The following TBC1D1 variants were observed in gnomAD, a reference collection of about 807,000 sequenced individuals.
TBC1D1 encodes TBC1 (tre-2/USP6, BUB2, cdc16) domain family, member 1.
A neutral mutation model predicts 125.6 loss-of-function variants in TBC1D1; 89 were observed. The ratio of observed to expected loss-of-function variants is 0.71; its 90% confidence interval spans 0.60 to 0.85. TBC1D1 has a LOEUF of 0.85. Among genes scored for constraint, TBC1D1 ranks in the 40% least tolerant of loss-of-function variants. The pLI, the probability that TBC1D1 is intolerant of heterozygous loss-of-function variation, is 0.00. For missense variants in TBC1D1, 1,377 were observed against 1,469.2 expected (o/e 0.94, Z 1.03); for synonymous variants, 565 against 564.1 (o/e 1.00, Z -0.02).
intron 12 of TBC1D1, among the ~76,000 whole-genome samples, chr4:38,081,960 C>T (rs80213849): frequency 0.035 from 5,264 of 152,194 alleles, 237 homozygotes; most frequent in African/African-American, 0.1. Context: ...CCATGTCTTG[C>T]CGTGGAGGGA....
chr4:38,046,005 C>A, intron 10 of TBC1D1, 102 bp downstream of exon 10: 2 of 1,062,870 alleles, frequency 1.9e-6, no homozygotes, highest in Non-Finnish European at 2.9e-6. Flanking sequence ...TTGCTGCTTG[C>A]AAATTTCTTG....
chr4:38,044,568 C>A, intron 9 of TBC1D1, 78 bp downstream of exon 9: 1 of 1,403,206 alleles, frequency 7.1e-7, no homozygotes, highest in Non-Finnish European at 9.6e-7. Context: ...TGCTTTTATT[C>A]CATCAATGTT....
At chr4:38,049,398 G>T (rs1750062570) in intron 10 of TBC1D1, among the ~76,000 whole-genome samples, 1 of 152,140 alleles carries the variant, frequency 6.6e-6, no homozygotes, top group South Asian at 2.1e-4. Flanking sequence ...CACTTGGCCA[G>T]TCTCCCCATT....
rs781075510 is a variant in TBC1D1 at position 37,902,474 on chromosome 4, A to G, written c.379A>G (p.Ser127Gly). 1 of 1,613,086 alleles carries G rather than the reference A, an allele frequency of 6.2e-7. No individual in the cohort carries two copies. The highest frequency in any genetic ancestry group is 8.5e-7 in the Non-Finnish European group (1 of 1,179,394). ...TAAGGAAGACGCTGTCCACCGGCAG[A>G]GTATCTGCTATGTGTTCAAAGCCGA... Residue 127 changes from serine to glycine, a missense_variant, in exon 2 of 20, where the codon AGT becomes GGT. Ser to Gly is a moderately conservative substitution (Grantham distance 56). Coordinates refer to ENST00000261439, the MANE Select transcript of TBC1D1 (RefSeq NM_015173.4).
chr4:38,021,716 A>G lies in TBC1D1; in HGVS notation c.1208A>G (p.Glu403Gly), dbSNP rs769095438. Residue 403 changes from glutamate (E) to glycine (G), a missense_variant and splice_region_variant, in exon 6 of 20, where the codon GAG becomes GGG. Glu to Gly is a moderately conservative substitution (Grantham distance 98, BLOSUM62 -2). Transcript: ENST00000261439. Reference sequence around the variant, plus strand: ...CTGCACAAGCTCTGTGAGAGGATAGAGGGTGAGTAGGGGACCCTTTCCAGC... The same window carrying G: ...CTGCACAAGCTCTGTGAGAGGATAGGGGGTGAGTAGGGGACCCTTTCCAGC... 6.4e-7 allele frequency: 1 copy of G among 1,563,526 alleles called. No homozygotes were observed. The highest frequency in any genetic ancestry group is 1.2e-5 in the South Asian group (1 of 84,160).
chr4:37,995,700 G>A lies in TBC1D1; in HGVS notation c.418-18809G>A, dbSNP rs1031319721. 3.8e-5 allele frequency: 20 copies of A among 523,690 alleles called. No individual in the cohort carries two copies. The highest frequency in any genetic ancestry group is 5.8e-5 in the Admixed American group (3 of 51,472). The allele number at this position is 523,690 out of a possible 1,614,324, so 32.4% of individuals were successfully genotyped here. On this transcript the variant is annotated intron_variant, in intron 2 of 19. Coordinates refer to ENST00000261439, the MANE Select transcript of TBC1D1 (RefSeq NM_015173.4). This position sits in a 1 kb window ranked among gnomAD's most constrained non-coding sequence, Gnocchi z 4.3. ...TGGAGGCCTTGGCCACAGCATCCCC[G>A]TGTTCTGAGAAGTATTTGGAAATGG...
intron 2 of TBC1D1, chr4:37,952,127 G>A (rs955784001): frequency 1.4e-5 from 10 of 715,500 alleles, no homozygotes; most frequent in Non-Finnish European, 2.3e-5. Flanking sequence ...TGCAAGGCCT[G>A]CAGTCATGAT....
rs766265782 is a variant in TBC1D1, at chr4:37,902,242, A to G, written c.147A>G (p.Arg49=). ...CCTGGGTTGTGGCTGAGGTGCGAAG[A>G]CTCAGCAGGCAGTCCACCAGAAAGG... is the stretch of plus-strand genomic sequence containing the variant. Residue 49 remains arginine (R), a synonymous_variant, in exon 2 of 20, where the codon AGA becomes AGG. Coordinates refer to ENST00000261439, the MANE Select transcript of TBC1D1 (RefSeq NM_015173.4). 2.5e-6 allele frequency: 4 copies of G among 1,613,928 alleles called. No homozygotes were observed. Among genetic ancestry groups the G allele is most frequent in the South Asian group, 2.2e-5 (2 of 91,066 alleles).
chr4:38,137,290 C>T lies in TBC1D1; in HGVS notation c.3462C>T (p.Ser1154=), dbSNP rs936119559. 25 of 1,611,352 alleles carry T rather than the reference C, an allele frequency of 1.6e-5. No homozygotes were observed. Among genetic ancestry groups the T allele is most frequent in the Admixed American group, 6.7e-5 (4 of 59,976 alleles). The change falls in exon 20 of 20, where the codon AGC becomes AGT. Residue 1154 remains serine, a synonymous_variant. Coordinates refer to ENST00000261439, the MANE Select transcript of TBC1D1 (RefSeq NM_015173.4). Reference sequence around the variant, plus strand: ...TGCGGCGGCGGAGCGCAGAGCCCAGCGACCGGGAGCCTGAGTGCACGCAGC... The same window carrying T: ...TGCGGCGGCGGAGCGCAGAGCCCAGTGACCGGGAGCCTGAGTGCACGCAGC...
chr4:37,977,417 CGCCCCCGGCCGCCCGCGG>C lies in TBC1D1; in HGVS notation c.418-37087_418-37070del. ...CCCCGGCCCCGCCGCTCCCCAAGCC[CGCCCCCGGCCGCCCGCGG>C]GCCCACGGGCCGGCGGCGGGAGTGA... is the stretch of plus-strand genomic sequence containing the variant. On this transcript the variant is annotated intron_variant, in intron 2 of 19. Transcript: ENST00000261439. The surrounding 1 kb of genome is among the most constrained non-coding windows in gnomAD (Gnocchi z 4.3). 1 of 902,866 alleles carries C rather than the reference CGCCCCCGGCCGCCCGCGG, an allele frequency of 1.1e-6. No homozygotes were observed. The allele number at this position is 902,866 out of a possible 1,614,324, so 55.9% of individuals were successfully genotyped here.
At position 37,977,522 on chromosome 4, in the gene TBC1D1, TG is replaced by T; in HGVS notation, c.418-36985del. ...GCGATGTCACCATTGTTCAGCTGGGTGGCCAAGGTAGGCGGCGTCGGGCGGG... is the reference window on the plus strand; with the variant it reads ...GCGATGTCACCATTGTTCAGCTGGGTGCCAAGGTAGGCGGCGTCGGGCGGG... On this transcript the variant is annotated intron_variant, in intron 2 of 19. Coordinates refer to ENST00000261439, the MANE Select transcript of TBC1D1 (RefSeq NM_015173.4). The surrounding 1 kb of genome is among the most constrained non-coding windows in gnomAD (Gnocchi z 4.3). The T allele has an allele frequency of 1.0e-6, 1 of 989,646 alleles. No homozygotes were observed. Among genetic ancestry groups the T allele is most frequent in the Non-Finnish European group, 1.2e-6 (1 of 823,548 alleles). The allele number at this position is 989,646 out of a possible 1,614,324, so 61.3% of individuals were successfully genotyped here.
chr4:38,069,377 C>T (rs1449063413), intron 12 of TBC1D1, among the ~76,000 whole-genome samples: 1 of 152,138 alleles, frequency 6.6e-6, no homozygotes, highest in African/African-American at 2.4e-5. Context: ...GCTCTGGGAA[C>T]GCTCAGGAAG....
intron 2 of TBC1D1, among the ~76,000 whole-genome samples, chr4:37,924,707 T>C (rs767293474): frequency 6.6e-6 from 1 of 152,250 alleles, no homozygotes; most frequent in Non-Finnish European, 1.5e-5. Context: ...CAGAATTGTA[T>C]TCCTTTTTAA....
chr4:37,976,229 G>A (rs1016474560), intron 2 of TBC1D1, among the ~76,000 whole-genome samples: 6 of 152,122 alleles, frequency 3.9e-5, no homozygotes, highest in Non-Finnish European at 2.9e-5. Context: ...AACTAAATAC[G>A]GGCAACACCT....
intron 8 of TBC1D1, among the ~76,000 whole-genome samples, chr4:38,040,467 T>C (rs1223565693): frequency 6.6e-6 from 1 of 152,128 alleles, no homozygotes; most frequent in Non-Finnish European, 1.5e-5. Flanking sequence ...TTTTGTATAT[T>C]TAGTAGAGAC....
At chr4:38,093,359 T>C (rs1758746673) in intron 13 of TBC1D1, among the ~76,000 whole-genome samples, 1 of 152,170 alleles carries the variant, frequency 6.6e-6, no homozygotes, top group South Asian at 2.1e-4. Context: ...AGAACCATAC[T>C]ATGTCATCTC....
chr4:37,936,103 G>A (rs535351070), intron 2 of TBC1D1, among the ~76,000 whole-genome samples: 22 of 152,196 alleles, frequency 1.4e-4, no homozygotes, highest in South Asian at 4.2e-4. Flanking sequence ...CCGCTTAGAC[G>A]TGCAGTGGTC....
intron 12 of TBC1D1, among the ~76,000 whole-genome samples, chr4:38,072,980 T>C (rs538637797): frequency 5.3e-5 from 8 of 152,348 alleles, no homozygotes; most frequent in African/African-American, 1.9e-4. Context: ...TTTTGAGTTA[T>C]ATTCTGTTGT....
rs181744985 is a variant in TBC1D1 at position 38,041,033 on chromosome 4, G to A, written c.1414-3329G>A. On this transcript the variant is annotated intron_variant, in intron 8 of 19. Transcript: ENST00000261439. ...TCCCCTTCTCAAAGGAATTTCTAAG[G>A]TAGTAGCCATTCTTTTGATGCATAT... Among the ~76,000 whole-genome samples the A allele has an allele frequency of 3.5e-4, 53 of 152,304 alleles. No individual in the cohort carries two copies. In the East Asian group the frequency reaches 8.7e-3, roughly 25 times the overall value.
Sources: gnomAD v4.1 joint callset for allele counts (sites outside exome capture counted in the v4.1 genomes callset) on GRCh38, gnomAD v4.1.1 for gene constraint, Gnocchi (gnomAD v3.1) non-coding constraint, MANE v1.5 for transcripts, NCBI Gene and HGNC (gene_info 2026-07-23, HGNC 2026-07-21) for gene names.